Variants in PALM observed in about 807,000 individuals in gnomAD.
PALM encodes paralemmin.
A neutral mutation model predicts 30.7 loss-of-function variants in PALM; 18 were observed. The observed-to-expected ratio is 0.59, with a 90% CI of 0.41 to 0.87. PALM has a LOEUF of 0.87. Ranked by LOEUF, PALM falls within the 40% of genes least tolerant of loss-of-function variation. The pLI, the probability that PALM is intolerant of heterozygous loss-of-function variation, is 0.00. For missense variants in PALM, 529 were observed against 555.4 expected (o/e 0.95, Z 0.48); for synonymous variants, 286 against 242.8 (o/e 1.18, Z -1.66).
intron 1 of PALM, among the ~76,000 whole-genome samples, chr19:710,944 C>T (rs1271138500): frequency 1.3e-5 from 2 of 152,228 alleles, no homozygotes; most frequent in Admixed American, 6.5e-5. Context: ...TTCTTCTCCC[C>T]GGCGGGCTTC....
chr19:741,890 G>A (rs915702926), intron 8 of PALM, among the ~76,000 whole-genome samples: 6 of 151,908 alleles, frequency 3.9e-5, no homozygotes, highest in African/African-American at 9.7e-5. Flanking sequence ...TCTGTCGCCC[G>A]GCCCGCAGTG....
intron 5 of PALM, among the ~76,000 whole-genome samples, chr19:733,551 C>G (rs908032543): frequency 6.6e-6 from 1 of 152,196 alleles, no homozygotes; most frequent in East Asian, 1.9e-4. Flanking sequence ...CCCTGAGCCT[C>G]GCACAGTGGC....
In PALM at chr19:746,715, C is replaced by G; in HGVS notation, c.1065C>G (p.Ala355=). 1 of 1,607,316 alleles carries G rather than the reference C, an allele frequency of 6.2e-7. No homozygotes were observed. The highest frequency in any genetic ancestry group is 8.5e-7 in the Non-Finnish European group (1 of 1,177,716). ...GSAAEPPTEA[A]SREENQAGPE... ...CTGCCGAGCCTCCCACGGAGGCCGC[C>G]TCCAGGGAAGAGAATCAGGCGGGGC... The change falls in exon 9 of 9, where the codon GCC becomes GCG. Residue 355 remains alanine, a synonymous_variant. Coordinates refer to ENST00000338448, the MANE Select transcript of PALM (RefSeq NM_002579.3). This position sits in a 1 kb window ranked among gnomAD's most constrained non-coding sequence, Gnocchi z 7.1.
At chr19:719,544 G>C in intron 1 of PALM, 1 of 985,614 alleles carries the variant, frequency 1.0e-6, no homozygotes, top group African/African-American at 1.7e-5. Flanking sequence ...CGGAGACCCA[G>C]CACCTGCCCC....
chr19:713,735 C>T (rs977804624), intron 1 of PALM, among the ~76,000 whole-genome samples: 3 of 151,882 alleles, frequency 2.0e-5, no homozygotes, highest in Admixed American at 6.6e-5. Flanking sequence ...TGCGCCACTG[C>T]GCCTGGCTAA....
intron 1 of PALM, among the ~76,000 whole-genome samples, chr19:720,948 G>T (rs1217727656): frequency 6.6e-6 from 1 of 152,200 alleles, no homozygotes; most frequent in African/African-American, 2.4e-5. Context: ...CTCCGGGGTG[G>T]CCCCGAGCCC....
In PALM at chr19:742,819, G is replaced by T. The variant is rs1034877205; in HGVS notation, c.634+2336G>T. Among the ~76,000 whole-genome samples, 1 of 152,158 alleles carries T rather than the reference G, an allele frequency of 6.6e-6. No individual in the cohort carries two copies. Among genetic ancestry groups the T allele is most frequent in the Non-Finnish European group, 1.5e-5 (1 of 68,032 alleles). ...CCTTCTTCCATCTGTAGACAGTTGG[G>T]CTGTTTCTACCCTTTGGCTGCAGTG... On this transcript the variant is annotated intron_variant, in intron 8 of 8. Coordinates refer to ENST00000338448, the MANE Select transcript of PALM (RefSeq NM_002579.3). This position sits in a 1 kb window ranked among gnomAD's most constrained non-coding sequence, Gnocchi z 5.5.
intron 1 of PALM, chr19:711,091 A>T: frequency 3.4e-6 from 2 of 595,754 alleles, no homozygotes; most frequent in South Asian, 7.4e-5. Flanking sequence ...AAATGAATTT[A>T]AGAATTTAAA....
chr19:721,149 C>T (rs1258674657), intron 1 of PALM, among the ~76,000 whole-genome samples: 2 of 152,132 alleles, frequency 1.3e-5, no homozygotes, highest in Admixed American at 1.3e-4. Context: ...CCAGGGGGCC[C>T]TGCAGGAGTA....
intron 8 of PALM, among the ~76,000 whole-genome samples, chr19:745,647 A>ATCACGC (rs2033316256): frequency 6.7e-6 from 1 of 150,266 alleles, no homozygotes; most frequent in Non-Finnish European, 1.5e-5. Context: ...GTGAGCCGAG[A>ATCACGC]CAGTACCACT....
Position 726,146 on chromosome 19 carries a change from C to A in PALM, c.14C>A (p.Ala5Glu), listed in dbSNP as rs372771354. The change falls in exon 2 of 9, where the codon GCG becomes GAG. Residue 5 changes from alanine to glutamate, a missense_variant. Transcript: ENST00000338448. ...TTATCTCCCTCCCGCAGGGTCCTGGCGGCAGAGACCACGTCCCAGCAGGAG... is the reference window on the plus strand; with the variant it reads ...TTATCTCCCTCCCGCAGGGTCCTGGAGGCAGAGACCACGTCCCAGCAGGAG... MEVL[A>E]AETTSQQERL... The A allele has an allele frequency of 6.2e-6, 10 of 1,612,620 alleles. No homozygotes were observed. Among genetic ancestry groups the A allele is most frequent in the Non-Finnish European group, 8.5e-6 (10 of 1,179,232 alleles).
chr19:722,161 G>T (rs62131296), intron 1 of PALM, among the ~76,000 whole-genome samples: 1 of 150,262 alleles, frequency 6.7e-6, no homozygotes, highest in African/African-American at 2.5e-5. Context: ...CTCGTGATCC[G>T]CCCGCCTCGG....
At chr19:735,918 G>T in intron 6 of PALM, 101 bp from the exon 7 acceptor site, 1 of 944,612 alleles carries the variant, frequency 1.1e-6, no homozygotes. Context: ...GCATGTGGGA[G>T]TCCGGATGCA....
chr19:746,301 C>T lies in PALM; in HGVS notation c.651C>T (p.Asp217=), dbSNP rs147039237. Residue 217 remains aspartate, a synonymous_variant, in exon 9 of 9, where the codon GAC becomes GAT. Transcript: ENST00000338448. The surrounding 1 kb of genome is among the most constrained non-coding windows in gnomAD (Gnocchi z 7.1). ...CTTGTACAGTGGTCCATGCTGTGGA[C>T]GGCACCGCCGAGAACGGGATCCACC... The part of the protein sequence containing the change: ...EDETKVVHAV[D]GTAENGIHPL... 2.8e-3 allele frequency: 4,586 copies of T among 1,612,660 alleles called. 16 individuals are homozygous for T. Among genetic ancestry groups the T allele is most frequent in the South Asian group, 4.7e-3 (427 of 91,040 alleles).
At position 709,853 on chromosome 19, in the gene PALM, G is replaced by T. The variant is rs1429477099; in HGVS notation, c.5+702G>T. On this transcript the variant is annotated intron_variant, in intron 1 of 8. Coordinates refer to ENST00000338448, the MANE Select transcript of PALM (RefSeq NM_002579.3). This position sits in a 1 kb window ranked among gnomAD's most constrained non-coding sequence, Gnocchi z 4.3. ...TGGGGCTCCACTGGTGTAGCTACAGGAGTGGGCTGGCCCTGGGCTGGGATC... is the reference window on the plus strand; with the variant it reads ...TGGGGCTCCACTGGTGTAGCTACAGTAGTGGGCTGGCCCTGGGCTGGGATC... Among the ~76,000 whole-genome samples the T allele has an allele frequency of 6.6e-6, 1 of 152,182 alleles. No individual in the cohort carries two copies. The highest frequency in any genetic ancestry group is 1.5e-5 in the Non-Finnish European group (1 of 68,012).
chr19:732,523 C>T (rs953930677), intron 5 of PALM, among the ~76,000 whole-genome samples: 2 of 152,152 alleles, frequency 1.3e-5, no homozygotes, highest in African/African-American at 4.8e-5. Context: ...GATAAAACCC[C>T]ATATCTACTA....
chr19:734,218 T>A (rs113602669), intron 6 of PALM, 24 bp downstream of exon 6: 6 of 1,612,100 alleles, frequency 3.7e-6, no homozygotes, highest in African/African-American at 2.7e-5. Context: ...AAGGAACTCG[T>A]GGGGCCTCGG....
intron 7 of PALM, among the ~76,000 whole-genome samples, chr19:739,376 GCTC>G (rs2033120037): frequency 6.6e-6 from 1 of 152,142 alleles, no homozygotes; most frequent in South Asian, 2.1e-4. Context: ...GGATTCACCT[GCTC>G]CTCTGAGAAA....
intron 8 of PALM, among the ~76,000 whole-genome samples, chr19:743,036 C>T (rs1156570819): frequency 3.3e-5 from 5 of 152,150 alleles, no homozygotes; most frequent in Non-Finnish European, 5.9e-5. Flanking sequence ...AGTTTCTCCA[C>T]GTCCTCACCA....
Sources: allele counts gnomAD v4.1 joint callset (sites outside exome capture counted in the v4.1 genomes callset), GRCh38; gene constraint gnomAD v4.1.1; non-coding constraint Gnocchi (gnomAD v3.1); transcripts MANE v1.5; gene names NCBI Gene and HGNC (gene_info 2026-07-23, HGNC 2026-07-21).